Variants in THEMIS observed in about 807,000 individuals in gnomAD.
THEMIS encodes thymocyte selection associated.
THEMIS carries 37 observed loss-of-function variants against 52.6 expected under a neutral mutation model. That is an observed-to-expected ratio of 0.70 (90% CI 0.54 to 0.93). The LOEUF (loss-of-function observed/expected upper bound fraction) is 0.93, where lower values mean the gene tolerates loss of function less well. Ranked by LOEUF, THEMIS falls within the 40% of genes least tolerant of loss-of-function variation. The probability of loss-of-function intolerance (pLI) is 0.00; values close to 1 mark genes in which losing one functional copy is unlikely to be tolerated. For synonymous variants in THEMIS, 292 were observed against 272.7 expected (o/e 1.07, Z -0.70); for missense variants, 808 against 763.1 (o/e 1.06, Z -0.69).
At chr6:127,783,965 A>T (rs767324262) in intron 4 of THEMIS, among the ~76,000 whole-genome samples, 2 of 152,360 alleles carry the variant, frequency 1.3e-5, no homozygotes, top group Non-Finnish European at 2.9e-5. Flanking sequence ...TGTTCACAAT[A>T]GAAAAGACTT....
intron 4 of THEMIS, among the ~76,000 whole-genome samples, chr6:127,751,495 T>C (rs1775642737): frequency 6.6e-6 from 1 of 151,690 alleles, no homozygotes; most frequent in Non-Finnish European, 1.5e-5. Flanking sequence ...AGATATTCCA[T>C]GCAAACAGTA....
intron 4 of THEMIS, among the ~76,000 whole-genome samples, chr6:127,724,181 C>T (rs1052752552): frequency 6.6e-6 from 1 of 151,998 alleles, no homozygotes; most frequent in African/African-American, 2.4e-5. Flanking sequence ...TTTGTTTTAT[C>T]CATAAAAAAC....
intron 4 of THEMIS, among the ~76,000 whole-genome samples, chr6:127,746,486 C>A (rs1039481363): frequency 1.3e-5 from 2 of 150,238 alleles, no homozygotes; most frequent in African/African-American, 4.9e-5. Context: ...AAATTTAATT[C>A]AACTGAGTTA....
chr6:127,699,720 A>G, the THEMIS span, among the ~76,000 whole-genome samples: 1 of 150,496 alleles, frequency 6.6e-6, no homozygotes. Flanking sequence ...AAGCTTAAAT[A>G]TCTATTTGGG....
At position 127,909,240 on chromosome 6, in the gene THEMIS, T is replaced by C. The variant is rs190204396; in HGVS notation, c.-149-8159A>G. Among the ~76,000 whole-genome samples, 27 of 152,238 alleles carry C rather than the reference T, an allele frequency of 1.8e-4. 1 individual carries two copies. The highest frequency in any genetic ancestry group is 1.6e-3 in the Admixed American group (24 of 15,262). ...ATAACTTTTTTTCACCTGGTGCCACTAGACTGAGTCGGGGAAGTTACTCGG... is the reference window on the plus strand; with the variant it reads ...ATAACTTTTTTTCACCTGGTGCCACCAGACTGAGTCGGGGAAGTTACTCGG... On this transcript the variant is annotated intron_variant, in intron 1 of 6. Coordinates refer to the THEMIS transcript ENST00000368250.
intron 4 of THEMIS, among the ~76,000 whole-genome samples, chr6:127,804,946 A>G (rs1412122345): frequency 6.6e-6 from 1 of 152,062 alleles, no homozygotes; most frequent in African/African-American, 2.4e-5. Context: ...CTTTTCAGTT[A>G]CACTAAAAAA....
At chr6:127,892,802 C>A (rs1192280712) in intron 1 of THEMIS, among the ~76,000 whole-genome samples, 1 of 152,140 alleles carries the variant, frequency 6.6e-6, no homozygotes, top group African/African-American at 2.4e-5. Context: ...CCTTTCCACA[C>A]ATTCATGCCT....
In THEMIS at chr6:127,829,855, A is replaced by G. The variant is rs772379923; in HGVS notation, c.330T>C (p.Ser110=). The change falls in exon 3 of 6, where the codon AGT becomes AGC. Residue 110 remains serine, a synonymous_variant. Transcript: ENST00000368248. ...GATAGAAGCAAGGATGCCCTAGTCT[A>G]CTTGGTCCAATATGAATGGTCCTTG... ...EITRTIHIGP[S]RLGHPCFYHQ... is the part of the protein sequence containing the mutation. The G allele has an allele frequency of 3.7e-6, 6 of 1,614,064 alleles. No homozygotes were observed. Among genetic ancestry groups the G allele is most frequent in the African/African-American group, 1.3e-5 (1 of 75,052 alleles).
intron 4 of THEMIS, among the ~76,000 whole-genome samples, chr6:127,809,516 C>T (rs971040034): frequency 6.6e-6 from 1 of 152,118 alleles, no homozygotes; most frequent in South Asian, 2.1e-4. Flanking sequence ...GTAGCATCCT[C>T]TGACATTTTA....
intron 4 of THEMIS, among the ~76,000 whole-genome samples, chr6:127,804,454 T>A (rs192402770): frequency 6.6e-6 from 1 of 152,242 alleles, no homozygotes; most frequent in Non-Finnish European, 1.5e-5. Context: ...CATGGAGCAA[T>A]GTGGAAGATT....
intron 4 of THEMIS, among the ~76,000 whole-genome samples, chr6:127,796,876 T>C (rs1777347440): frequency 6.6e-6 from 1 of 152,218 alleles, no homozygotes; most frequent in East Asian, 1.9e-4. Context: ...TTATATCCCT[T>C]CAAATCTCTG....
chr6:127,900,483 G>A (rs1456710566), intron 1 of THEMIS, among the ~76,000 whole-genome samples: 1 of 151,954 alleles, frequency 6.6e-6, no homozygotes, highest in Non-Finnish European at 1.5e-5. Context: ...GTTTTAGCAA[G>A]CTAAATTTTA....
At chr6:127,913,847 C>A (rs77279327) in intron 1 of THEMIS, among the ~76,000 whole-genome samples, 16,582 of 152,152 alleles carry the variant, frequency 0.11, 1,190 homozygotes, top group Non-Finnish European at 0.16. Context: ...TGATCAAGGA[C>A]TGTGTGCTTG....
At chr6:127,708,064 C>T (rs1250313730), downstream of THEMIS, 1 of 151,434 alleles carries the variant, frequency 6.6e-6, no homozygotes, top group Non-Finnish European at 1.5e-5. Context: ...AATCTCCCTC[C>T]TCATGGCTTT....
upstream of THEMIS, among the ~76,000 whole-genome samples, chr6:127,904,785 A>G (rs1443666377): frequency 6.6e-6 from 1 of 152,074 alleles, no homozygotes; most frequent in Non-Finnish European, 1.5e-5. Context: ...GGAGAAAAGA[A>G]CTGCCATCTA....
rs144311680 is a variant in THEMIS at position 127,871,657 on chromosome 6, A to T, written c.92-16469T>A. On this transcript the variant is annotated intron_variant, in intron 1 of 5. Coordinates refer to ENST00000368248, the MANE Select transcript of THEMIS (RefSeq NM_001010923.3). ...TCAGACATCAAAAATGTAATAAGGG[A>T]ATCAATTTTACCACATAATTTGACA... Among the ~76,000 whole-genome samples, 880 of 152,270 alleles carry T rather than the reference A, an allele frequency of 5.8e-3. 4 individuals carry two copies. Among genetic ancestry groups the T allele is most frequent in the Non-Finnish European group, 9.6e-3 (650 of 67,998 alleles).
At chr6:127,877,933 A>C (rs954473154) in intron 1 of THEMIS, among the ~76,000 whole-genome samples, 1 of 152,220 alleles carries the variant, frequency 6.6e-6, no homozygotes, top group Non-Finnish European at 1.5e-5. Context: ...AGTTTTAACC[A>C]CAGGGAAAGG....
upstream of THEMIS, chr6:127,901,180 T>C: frequency 1.8e-6 from 1 of 546,964 alleles, no homozygotes; most frequent in East Asian, 3.1e-5. Flanking sequence ...CTTCTGACAT[T>C]GAAGTTGAAC....
At position 127,733,823 on chromosome 6, in the gene THEMIS, A is replaced by C. The variant is rs529649021; in HGVS notation, c.1759-14000T>G. ...TCCTAGAACACATGATGTCTAGAAA[A>C]GACTATATCTAGTATATATGACATG... On this transcript the variant is annotated intron_variant, in intron 4 of 5. Transcript: ENST00000368248. 7.2e-5 allele frequency among the ~76,000 whole-genome samples: 11 copies of C among 152,326 alleles called. No homozygotes were observed. The East Asian group carries it at 2.1e-3, about 29-fold the overall frequency.
Sources: gnomAD v4.1 joint callset for allele counts (sites outside exome capture counted in the v4.1 genomes callset) on GRCh38, gnomAD v4.1.1 for gene constraint, MANE v1.5 for transcripts, NCBI Gene and HGNC (gene_info 2026-07-23, HGNC 2026-07-21) for gene names.